PAPPA2: variants seen among roughly 807,000 people sequenced by gnomAD.
The protein encoded by PAPPA2 is pappalysin-2.
Under a neutral mutation model 176.4 loss-of-function variants are expected in PAPPA2, and 86 were observed. That is an observed-to-expected ratio of 0.49 (90% CI 0.41 to 0.58). The LOEUF (loss-of-function observed/expected upper bound fraction) is 0.58, where lower values mean the gene tolerates loss of function less well. Ranked by LOEUF, PAPPA2 falls within the 20% of genes least tolerant of loss-of-function variation. The pLI, the probability that PAPPA2 is intolerant of heterozygous loss-of-function variation, is 0.00. For missense variants in PAPPA2, 2,073 were observed against 2,256.9 expected, an observed-to-expected ratio of 0.92 and a Z score of 1.65; for synonymous variants, 809 against 852.2, an observed-to-expected ratio of 0.95 and a Z score of 0.88.
chr1:176,603,987 G>A (rs969545921), intron 3 of PAPPA2, among the ~76,000 whole-genome samples: 1 of 152,134 alleles, frequency 6.6e-6, no homozygotes, highest in African/African-American at 2.4e-5. Context: ...AGTCACTTCT[G>A]TGGCCTCACC....
intron 3 of PAPPA2, among the ~76,000 whole-genome samples, chr1:176,670,046 T>C (rs1370250159): frequency 6.6e-6 from 1 of 152,174 alleles, no homozygotes; most frequent in African/African-American, 2.4e-5. Context: ...GTGGGGAGCA[T>C]CTAGTAAGTC....
intron 1 of PAPPA2, among the ~76,000 whole-genome samples, chr1:176,484,320 G>A (rs1184152926): frequency 1.3e-5 from 2 of 152,176 alleles, no homozygotes; most frequent in African/African-American, 4.8e-5. Flanking sequence ...ATATGTGTAT[G>A]TGTAGTTTTT....
chr1:176,811,751 A>C (rs966334525), intron 21 of PAPPA2, among the ~76,000 whole-genome samples: 8 of 152,124 alleles, frequency 5.3e-5, no homozygotes, highest in Non-Finnish European at 7.4e-5. Context: ...CCAGCCTAAA[A>C]TCCCGGCATG....
chr1:176,658,453 C>T (rs1018643194), intron 3 of PAPPA2, among the ~76,000 whole-genome samples: 14 of 151,702 alleles, frequency 9.2e-5, no homozygotes, highest in African/African-American at 2.9e-4. Context: ...CTTTATTGTT[C>T]GCAAATATTG....
intron 3 of PAPPA2, among the ~76,000 whole-genome samples, chr1:176,666,293 A>C (rs533205620): frequency 3.6e-4 from 55 of 152,280 alleles, no homozygotes; most frequent in Non-Finnish European, 4.9e-4. Context: ...TTTTTAAAAA[A>C]ATTTCCTGGG....
rs536693822 is a variant in PAPPA2, at chr1:176,470,958, A to G, written c.-917+7540A>G. Among the ~76,000 whole-genome samples, 3 of 152,222 alleles carry G rather than the reference A, an allele frequency of 2.0e-5. No homozygotes were observed. The Middle Eastern group carries it at 0.01, about 518-fold the overall frequency. On this transcript the variant is annotated intron_variant, in intron 1 of 22. Transcript: ENST00000367662. ...TCCCCAGTGGCTTCTCGGGTCAAAT[A>G]GCACATCCTCAGAATGTGAAGGAGC...
At chr1:176,628,980 T>C (rs563243497) in intron 3 of PAPPA2, among the ~76,000 whole-genome samples, 4 of 152,326 alleles carry the variant, frequency 2.6e-5, no homozygotes, top group Admixed American at 1.3e-4. Flanking sequence ...TCACCGGCAA[T>C]GGAAAAGCAA....
At chr1:176,673,690 A>G (rs1171747453) in intron 4 of PAPPA2, among the ~76,000 whole-genome samples, 4 of 152,196 alleles carry the variant, frequency 2.6e-5, no homozygotes, top group South Asian at 2.1e-4. Flanking sequence ...TCATTCAACT[A>G]TAAAAATGGA....
At chr1:176,729,999 G>A (rs963351692) in intron 12 of PAPPA2, among the ~76,000 whole-genome samples, 2 of 151,610 alleles carry the variant, frequency 1.3e-5, no homozygotes, top group South Asian at 2.1e-4. Context: ...TTTTGCCTTC[G>A]TGAAGCAAGA....
At chr1:176,647,516 T>C (rs1384542835) in intron 3 of PAPPA2, among the ~76,000 whole-genome samples, 2 of 151,558 alleles carry the variant, frequency 1.3e-5, no homozygotes, top group Admixed American at 6.6e-5. Context: ...ATTTTGTCAA[T>C]GTTTACTTGT....
chr1:176,592,058 A>G (rs1158752475), intron 2 of PAPPA2, among the ~76,000 whole-genome samples: 2 of 152,218 alleles, frequency 1.3e-5, no homozygotes, highest in African/African-American at 4.8e-5. Flanking sequence ...TGAAAGCTTC[A>G]CATGTGACTC....
Position 176,715,591 on chromosome 1 carries a change from C to T in PAPPA2, c.3798+3610C>T, listed in dbSNP as rs373194667. On this transcript the variant is annotated intron_variant, in intron 12 of 22. Coordinates refer to ENST00000367662, the MANE Select transcript of PAPPA2 (RefSeq NM_020318.3). ...CTGGGGAGCCACGTGTTCTTTCAGG[C>T]ATAGCTTTCCCTAATTTATCAAAAA... is the stretch of plus-strand genomic sequence containing the variant. 2.6e-5 allele frequency among the ~76,000 whole-genome samples: 4 copies of T among 152,182 alleles called. No individual in the cohort carries two copies. The East Asian group carries it at 5.8e-4, about 22-fold the overall frequency.
chr1:176,697,576 A>G (rs1660444812), intron 7 of PAPPA2, among the ~76,000 whole-genome samples: 1 of 152,168 alleles, frequency 6.6e-6, no homozygotes, highest in Admixed American at 6.6e-5. Flanking sequence ...TTAACCACCA[A>G]CTATTTTCTA....
intron 14 of PAPPA2, among the ~76,000 whole-genome samples, chr1:176,765,153 T>C (rs1257375333): frequency 6.6e-6 from 1 of 152,246 alleles, no homozygotes; most frequent in East Asian, 1.9e-4. Flanking sequence ...AATCGGTTAA[T>C]TGGTGTTGCC....
chr1:176,765,845 G>A lies in PAPPA2; in HGVS notation c.4323+8G>A. The A allele has an allele frequency of 6.2e-7, 1 of 1,612,838 alleles. No homozygotes were observed. Among genetic ancestry groups the A allele is most frequent in the African/African-American group, 1.3e-5 (1 of 75,026 alleles). On this transcript the variant is annotated splice_region_variant and intron_variant, in intron 15 of 22. Coordinates refer to ENST00000367662, the MANE Select transcript of PAPPA2 (RefSeq NM_020318.3). ...TACATCAGGCCCATGCAGGTGAGTTGAAAGAACACTATCACCAGGACCAAG... is the reference window on the plus strand; with the variant it reads ...TACATCAGGCCCATGCAGGTGAGTTAAAAGAACACTATCACCAGGACCAAG...
intron 1 of PAPPA2, among the ~76,000 whole-genome samples, chr1:176,521,112 GAC>G (rs1207610817): frequency 3.9e-5 from 5 of 128,772 alleles, no homozygotes; most frequent in African/African-American, 1.8e-4. Context: ...GAGAGACAGA[GAC>G]AGAGAGAGAG....
chr1:176,710,160 G>T lies in PAPPA2; in HGVS notation c.3635G>T (p.Gly1212Val). Residue 1212 changes from glycine to valine, a missense_variant, in exon 11 of 23, where the codon GGA (glycine) becomes GTA (valine). Transcript: ENST00000367662. ...AAGTGTCCTGTTTCCTTGGTAACTG[G>T]AGAACCTCATTCCCTAGTAAGTTAA... is the stretch of plus-strand genomic sequence containing the variant. ...KKKCPVSLVTGEPHSLICTSY... is the reference protein window; with the variant it reads ...KKKCPVSLVTVEPHSLICTSY... 6.2e-7 allele frequency: 1 copy of T among 1,613,422 alleles called. No individual in the cohort carries two copies. Among genetic ancestry groups the T allele is most frequent in the South Asian group, 1.1e-5 (1 of 90,998 alleles).
At chr1:176,623,009 C>T (rs1458443624) in intron 3 of PAPPA2, among the ~76,000 whole-genome samples, 2 of 152,142 alleles carry the variant, frequency 1.3e-5, no homozygotes, top group Non-Finnish European at 2.9e-5. Context: ...GGGCACTAAT[C>T]TCATTCATAA....
At chr1:176,526,490 C>G (rs1287881168) in intron 1 of PAPPA2, among the ~76,000 whole-genome samples, 1 of 152,160 alleles carries the variant, frequency 6.6e-6, no homozygotes, top group Non-Finnish European at 1.5e-5. Context: ...GGAAAAAGCC[C>G]TAGAAGATGA....
Sources: allele counts gnomAD v4.1 joint callset (sites outside exome capture counted in the v4.1 genomes callset), GRCh38; gene constraint gnomAD v4.1.1; transcripts MANE v1.5; gene names NCBI Gene and HGNC (gene_info 2026-07-23, HGNC 2026-07-21).